PDE1A: variants seen among roughly 807,000 people sequenced by gnomAD.
PDE1A encodes phosphodiesterase 1A.
PDE1A carries 35 observed loss-of-function variants against 61.7 expected under a neutral mutation model. The ratio of observed to expected loss-of-function variants is 0.57; its 90% CI spans 0.43 to 0.75. PDE1A has a LOEUF of 0.75. Ranked by LOEUF, PDE1A falls within the 30% of genes least tolerant of loss-of-function variation. The probability of loss-of-function intolerance (pLI) is 0.00; values close to 1 mark genes in which losing one functional copy is unlikely to be tolerated. For synonymous variants in PDE1A, 232 were observed against 213.2 expected (o/e 1.09, Z -0.77); for missense variants, 597 against 630.6 (o/e 0.95, Z 0.57).
intron 1 of PDE1A, among the ~76,000 whole-genome samples, chr2:182,350,169 C>T (rs1408824161): frequency 1.3e-5 from 2 of 152,014 alleles, no homozygotes; most frequent in African/African-American, 4.8e-5. Flanking sequence ...GAAATTACAC[C>T]GTGTGTACTC....
At chr2:182,469,022 G>C (rs1049313606) in intron 2 of PDE1A, among the ~76,000 whole-genome samples, 1 of 151,912 alleles carries the variant, frequency 6.6e-6, no homozygotes, top group South Asian at 2.1e-4. Flanking sequence ...CTAGAATAGA[G>C]GCAGAGTAGA....
chr2:182,396,315 G>C (rs1469168217), intron 1 of PDE1A, among the ~76,000 whole-genome samples: 1 of 152,244 alleles, frequency 6.6e-6, no homozygotes, highest in Non-Finnish European at 1.5e-5. Context: ...ACTTCGAGCA[G>C]TGCACCTGGT....
chr2:182,455,666 C>A (rs1685864331), intron 2 of PDE1A, among the ~76,000 whole-genome samples: 1 of 152,014 alleles, frequency 6.6e-6, no homozygotes, highest in African/African-American at 2.4e-5. Context: ...GACAAAAAAC[C>A]AAACACTGCA....
At chr2:182,414,548 A>G (rs1274676310) in intron 1 of PDE1A, among the ~76,000 whole-genome samples, 1 of 152,154 alleles carries the variant, frequency 6.6e-6, no homozygotes, top group Non-Finnish European at 1.5e-5. Context: ...TTTTCTGGAT[A>G]TGCAGCAAGT....
chr2:182,157,220 G>A (rs1691141378), intron 13 of PDE1A, among the ~76,000 whole-genome samples: 1 of 151,820 alleles, frequency 6.6e-6, no homozygotes, highest in African/African-American at 2.4e-5. Flanking sequence ...TCACCATGTT[G>A]GCCAGGCTGG....
At chr2:182,317,479 C>T (rs911555714) in intron 1 of PDE1A, among the ~76,000 whole-genome samples, 2 of 151,880 alleles carry the variant, frequency 1.3e-5, no homozygotes, top group Non-Finnish European at 2.9e-5. Flanking sequence ...TTTTTACAGA[C>T]TAGAAATGCA....
rs1424099976 is a variant in PDE1A, at chr2:182,459,469, T to A, written c.101+62807A>T. ...AGTTTTATGTTCTGCCTTGAATTCA[T>A]TAACGCCTGTGTTTATATCTGTCAG... On this transcript the variant is annotated intron_variant, in intron 2 of 14. Coordinates refer to the PDE1A transcript ENST00000410103. Among the ~76,000 whole-genome samples the A allele has an allele frequency of 2.6e-5, 4 of 152,318 alleles. No homozygotes were observed. In the South Asian group the frequency reaches 6.2e-4, roughly 24 times the overall value.
At chr2:182,498,786 T>C (rs1464678967) in intron 2 of PDE1A, among the ~76,000 whole-genome samples, 3 of 151,582 alleles carry the variant, frequency 2.0e-5, no homozygotes, top group African/African-American at 7.3e-5. Context: ...TTACTAAAAA[T>C]ACAAAAAATT....
chr2:182,322,066 T>C (rs1438729920), intron 1 of PDE1A, among the ~76,000 whole-genome samples: 1 of 152,178 alleles, frequency 6.6e-6, no homozygotes, highest in Non-Finnish European at 1.5e-5. Flanking sequence ...ACGTTGCACT[T>C]TGAATTCCTT....
intron 4 of PDE1A, among the ~76,000 whole-genome samples, chr2:182,231,945 T>G (rs1396569048): frequency 6.6e-6 from 1 of 151,994 alleles, no homozygotes. Context: ...TAGAAAAATA[T>G]GTAAATATCA....
chr2:182,518,189 G>A (rs557847521), intron 2 of PDE1A, among the ~76,000 whole-genome samples: 52 of 151,990 alleles, frequency 3.4e-4, no homozygotes, highest in Non-Finnish European at 6.3e-4. Flanking sequence ...TTCCAATTTG[G>A]GAATATGATG....
chr2:182,520,364 T>A (rs905497472), intron 2 of PDE1A, among the ~76,000 whole-genome samples: 1 of 151,910 alleles, frequency 6.6e-6, no homozygotes, highest in Non-Finnish European at 1.5e-5. Context: ...AAAGCAGTCA[T>A]TTTAGTCAGT....
At chr2:182,327,905 G>A (rs1475402138) in intron 1 of PDE1A, among the ~76,000 whole-genome samples, 1 of 152,248 alleles carries the variant, frequency 6.6e-6, no homozygotes, top group Non-Finnish European at 1.5e-5. Context: ...ATGGAGTGAA[G>A]AGAGGGAGCG....
At chr2:182,534,245 G>C in the PDE1A span, among the ~76,000 whole-genome samples, 1 of 151,832 alleles carries the variant, frequency 6.6e-6, no homozygotes, top group Non-Finnish European at 1.5e-5. Context: ...GTTGTATCAT[G>C]ATTTAGCCAA....
chr2:182,299,122 C>A (rs539383017), intron 1 of PDE1A, among the ~76,000 whole-genome samples: 78 of 152,032 alleles, frequency 5.1e-4, no homozygotes, highest in African/African-American at 1.9e-3. Context: ...GGTCTCTGTA[C>A]ACTGGGGAAA....
At chr2:182,404,715 G>A (rs149109375) in intron 1 of PDE1A, among the ~76,000 whole-genome samples, 17 of 152,090 alleles carry the variant, frequency 1.1e-4, no homozygotes, top group African/African-American at 2.9e-4. Flanking sequence ...GCCACACAAG[G>A]TCAGGATAAT....
At chr2:182,372,965 T>C (rs1042227307) in intron 1 of PDE1A, among the ~76,000 whole-genome samples, 2 of 152,218 alleles carry the variant, frequency 1.3e-5, no homozygotes, top group Non-Finnish European at 2.9e-5. Context: ...GATCCACTCA[T>C]GACTTAGGAA....
rs879323898 is a variant in PDE1A, at chr2:182,293,437, AT to A, written c.54-29024del. On this transcript the variant is annotated intron_variant, in intron 1 of 13. Transcript: ENST00000351439. The stretch of plus-strand genomic sequence containing the variant: ...AGTTACTTCAGTATTAATGATCTAT[AT>A]TTTTTTCCTCTCACCTGGTACTGAT... 1.9e-4 allele frequency among the ~76,000 whole-genome samples: 29 copies of A among 152,062 alleles called. No homozygotes were observed. In the Middle Eastern group the frequency reaches 0.017, roughly 89 times the overall value.
intron 2 of PDE1A, among the ~76,000 whole-genome samples, chr2:182,504,374 T>C (rs1689271733): frequency 6.6e-6 from 1 of 152,212 alleles, no homozygotes; most frequent in South Asian, 2.1e-4. Context: ...GTGTGTATTA[T>C]GCAAATTTAG....
Sources: gnomAD v4.1 joint callset for allele counts (sites outside exome capture counted in the v4.1 genomes callset) on GRCh38, gnomAD v4.1.1 for gene constraint, MANE v1.5 for transcripts, NCBI Gene and HGNC (gene_info 2026-07-23, HGNC 2026-07-21) for gene names.